Variants in NCOA1 observed in about 807,000 individuals in gnomAD.
The protein encoded by NCOA1 is Hin-2 protein.
In NCOA1, 35 loss-of-function variants were observed where a neutral mutation model predicts 150.9. The observed-to-expected ratio is 0.23, with a 90% confidence interval of 0.18 to 0.31. NCOA1 has a LOEUF of 0.31. Ranked by LOEUF, NCOA1 falls within the 10% of genes least tolerant of loss-of-function variation. The pLI is 1.00. For missense variants in NCOA1, 1,491 were observed against 1,749.3 expected (o/e 0.85, Z 2.63); for synonymous variants, 590 against 630.0 (o/e 0.94, Z 0.95).
intron 22 of NCOA1, among the ~76,000 whole-genome samples, chr2:24,766,851 G>C (rs1226172503): frequency 6.6e-6 from 1 of 152,100 alleles, no homozygotes; most frequent in South Asian, 2.1e-4. Context: ...TGGGCGCGTT[G>C]GTGTGTTATA....
chr2:24,527,848 A>C (rs140514481), intron 1 of NCOA1, among the ~76,000 whole-genome samples: 1 of 152,222 alleles, frequency 6.6e-6, no homozygotes, highest in Non-Finnish European at 1.5e-5. Context: ...TTCCTTTTTA[A>C]TAACAGCTAT....
chr2:24,545,906 C>T (rs1665588538), intron 1 of NCOA1, among the ~76,000 whole-genome samples: 1 of 152,192 alleles, frequency 6.6e-6, no homozygotes, highest in African/African-American at 2.4e-5. Flanking sequence ...AATCCTGCCT[C>T]AGCCTTCTGA....
chr2:24,675,439 C>G (rs1671860286), intron 7 of NCOA1, among the ~76,000 whole-genome samples: 1 of 152,150 alleles, frequency 6.6e-6, no homozygotes, highest in Non-Finnish European at 1.5e-5. Flanking sequence ...CTATGTTTAG[C>G]TTTTTGTAAT....
intron 11 of NCOA1, among the ~76,000 whole-genome samples, chr2:24,700,960 A>G (rs958448678): frequency 7.2e-5 from 11 of 152,246 alleles, no homozygotes; most frequent in Admixed American, 4.6e-4. Flanking sequence ...TTTATAAGAT[A>G]TATTTAAGGT....
chr2:24,728,525 A>G (rs199755472), intron 16 of NCOA1, 49 bp downstream of exon 16: 176 of 1,515,632 alleles, frequency 1.2e-4, no homozygotes, highest in Non-Finnish European at 1.5e-4. Flanking sequence ...CTAAGAAGCT[A>G]GAAAATTATT....
At chr2:24,621,462 T>TG (rs1669157799) in intron 3 of NCOA1, among the ~76,000 whole-genome samples, 2 of 113,654 alleles carry the variant, frequency 1.8e-5, no homozygotes, top group Non-Finnish European at 3.8e-5. Flanking sequence ...TTTTTTTTTT[T>TG]TTTGAGACAG....
chr2:24,731,104 A>T (rs1662989210), intron 17 of NCOA1, among the ~76,000 whole-genome samples: 1 of 151,490 alleles, frequency 6.6e-6, no homozygotes, highest in South Asian at 2.1e-4. Flanking sequence ...GCTGCTTGTT[A>T]TGAATCTTGT....
Position 24,577,524 on chromosome 2 carries a change from A to G in NCOA1, c.-259-6952A>G, listed in dbSNP as rs535367763. Among the ~76,000 whole-genome samples the G allele has an allele frequency of 2.5e-4, 38 of 152,276 alleles. No individual in the cohort carries two copies. The South Asian group carries it at 6.8e-3, about 27-fold the overall frequency. ...CTGTGCTTGCTTTCTTGGTCTCTTT[A>G]CACATTATGATTGCCAGTATAATTT... On this transcript the variant is annotated intron_variant, in intron 2 of 22. Transcript: ENST00000348332.
In NCOA1 at chr2:24,707,798, A is replaced by G; in HGVS notation, c.2328A>G (p.Glu776=). 3.1e-6 allele frequency: 5 copies of G among 1,614,228 alleles called. No individual in the cohort carries two copies. The highest frequency in any genetic ancestry group is 1.3e-5 in the African/African-American group (1 of 75,072). ...TGGATGATGTAAAGGTGAAAGTGGA[A>G]AAGAAAGAACAGATGGATCCATGTA... The part of the protein sequence containing the change: ...LSLDDVKVKV[E]KKEQMDPCNT... Residue 776 remains glutamate (E), a synonymous_variant, in exon 13 of 23, where the codon GAA becomes GAG. Transcript: ENST00000348332.
At chr2:24,625,480 A>AT (rs1189027925) in intron 3 of NCOA1, among the ~76,000 whole-genome samples, 2 of 151,456 alleles carry the variant, frequency 1.3e-5, no homozygotes, top group African/African-American at 4.8e-5. Context: ...TGCTTTGTTA[A>AT]TTTTTTCTAC....
intron 21 of NCOA1, among the ~76,000 whole-genome samples, chr2:24,759,356 T>C (rs1196891716): frequency 2.0e-5 from 3 of 152,208 alleles, no homozygotes; most frequent in African/African-American, 7.2e-5. Flanking sequence ...TCAAGATTGG[T>C]TATCACAGCA....
At chr2:24,725,984 C>T (rs1674598064) in intron 14 of NCOA1, among the ~76,000 whole-genome samples, 1 of 152,022 alleles carries the variant, frequency 6.6e-6, no homozygotes, top group Admixed American at 6.6e-5. Context: ...AAAAGCGTTA[C>T]AGAAAAACGT....
chr2:24,534,840 A>G (rs1327751151), intron 1 of NCOA1, among the ~76,000 whole-genome samples: 1 of 152,102 alleles, frequency 6.6e-6, no homozygotes, highest in Non-Finnish European at 1.5e-5. Context: ...CTGTTCTTTT[A>G]CATTTGCTGA....
chr2:24,681,591 C>CT (rs1672177903), intron 7 of NCOA1, among the ~76,000 whole-genome samples: 1 of 152,022 alleles, frequency 6.6e-6, no homozygotes, highest in Non-Finnish European at 1.5e-5. Flanking sequence ...GCATTAGTGT[C>CT]TTTTTAAAAA....
chr2:24,518,168 A>G (rs1038062558), intron 1 of NCOA1, among the ~76,000 whole-genome samples: 10 of 152,206 alleles, frequency 6.6e-5, no homozygotes, highest in African/African-American at 2.4e-4. Flanking sequence ...GGAATGCAAG[A>G]TTGGTTTAAC....
chr2:24,723,943 G>T (rs1674480808), intron 14 of NCOA1, among the ~76,000 whole-genome samples: 1 of 152,182 alleles, frequency 6.6e-6, no homozygotes, highest in Non-Finnish European at 1.5e-5. Context: ...TAGAAGAGTA[G>T]AATGTGCAAA....
intron 21 of NCOA1, among the ~76,000 whole-genome samples, chr2:24,762,461 A>G (rs1383701890): frequency 1.3e-5 from 2 of 152,246 alleles, no homozygotes; most frequent in Non-Finnish European, 2.9e-5. Flanking sequence ...ATCAAGAAAC[A>G]GAATGTCATC....
At chr2:24,700,889 C>T (rs1367509125) in intron 11 of NCOA1, among the ~76,000 whole-genome samples, 1 of 152,140 alleles carries the variant, frequency 6.6e-6, no homozygotes, top group Non-Finnish European at 1.5e-5. Context: ...AACCTAGGTT[C>T]CACAAACTTA....
At chr2:24,716,552 T>G (rs942182302) in intron 14 of NCOA1, among the ~76,000 whole-genome samples, 2 of 152,140 alleles carry the variant, frequency 1.3e-5, no homozygotes, top group African/African-American at 4.8e-5. Context: ...AAAAATGAAC[T>G]TATTTTGAGT....
Sources: allele counts gnomAD v4.1 joint callset (sites outside exome capture counted in the v4.1 genomes callset), GRCh38; gene constraint gnomAD v4.1.1; transcripts MANE v1.5; gene names NCBI Gene and HGNC (gene_info 2026-07-23, HGNC 2026-07-21).